Variants in ZNF25 observed in about 807,000 individuals in gnomAD.
The protein encoded by ZNF25 is zinc finger protein 25 (KOX 19).
In ZNF25, 21 loss-of-function variants were observed where a neutral mutation model predicts 30.9. That is an observed-to-expected ratio of 0.68 (90% CI 0.48 to 0.98). ZNF25 has a LOEUF of 0.98. ZNF25 is among the 50% of genes least tolerant of loss of function. The probability of loss-of-function intolerance (pLI) is 0.00; values close to 1 mark genes in which losing one functional copy is unlikely to be tolerated. For synonymous variants in ZNF25, 169 were observed against 181.3 expected (o/e 0.93, Z 0.55); for missense variants, 501 against 529.9 (o/e 0.95, Z 0.54).
rs1238210873 is a variant in ZNF25, at chr10:37,951,541, T to C, written c.*586A>G. 1.3e-5 allele frequency: 2 copies of C among 152,250 alleles called. No homozygotes were observed. Among genetic ancestry groups the C allele is most frequent in the East Asian group, 3.8e-4 (2 of 5,204 alleles). The allele number at this position is 152,250 out of a possible 1,614,324, so 9.4% of individuals were successfully genotyped here. On this transcript the variant is annotated 3_prime_UTR_variant, in exon 6 of 6. Transcript: ENST00000302609. ...TTTGTAGTATAACTGTTTCCCTCAGTACAAATTATTTGAATTTTTATTGAA... is the reference window on the plus strand; with the variant it reads ...TTTGTAGTATAACTGTTTCCCTCAGCACAAATTATTTGAATTTTTATTGAA...
chr10:37,959,501 G>A (rs1430963125), intron 2 of ZNF25, among the ~76,000 whole-genome samples: 1 of 152,038 alleles, frequency 6.6e-6, no homozygotes, highest in East Asian at 1.9e-4. Flanking sequence ...ACTGTTTAAG[G>A]CTATGAAATT....
intron 4 of ZNF25, among the ~76,000 whole-genome samples, chr10:37,954,568 T>C (rs1344648154): frequency 3.9e-5 from 6 of 152,200 alleles, no homozygotes; most frequent in Admixed American, 3.3e-4. Context: ...CCTGCACTTC[T>C]AACGCACTTG....
intron 2 of ZNF25, among the ~76,000 whole-genome samples, chr10:37,963,203 A>T (rs1387385585): frequency 1.3e-5 from 2 of 151,492 alleles, no homozygotes; most frequent in Admixed American, 1.3e-4. Flanking sequence ...TGCAACTACA[A>T]CCTCTGCCTC....
chr10:37,956,935 G>T, intron 4 of ZNF25, 85 bp downstream of exon 4: 105 of 529,854 alleles, frequency 2.0e-4, no homozygotes, highest in Middle Eastern at 4.0e-4. Context: ...AAAAAAAAAA[G>T]TGAGAGATTG....
At chr10:37,976,239 G>C (rs546480002) in intron 1 of ZNF25, among the ~76,000 whole-genome samples, 14 of 152,310 alleles carry the variant, frequency 9.2e-5, no homozygotes, top group South Asian at 4.1e-4. Flanking sequence ...CGGCCAGCGC[G>C]CCTCACATGG....
intron 2 of ZNF25, among the ~76,000 whole-genome samples, chr10:37,965,309 TG>T (rs1385756004): frequency 3.3e-5 from 5 of 152,028 alleles, no homozygotes; most frequent in Non-Finnish European, 7.4e-5. Flanking sequence ...AATGGAGCTG[TG>T]GGAAGGGGAC....
At chr10:37,960,862 T>A (rs1287367200) in intron 2 of ZNF25, among the ~76,000 whole-genome samples, 1 of 151,084 alleles carries the variant, frequency 6.6e-6, no homozygotes, top group Non-Finnish European at 1.5e-5. Context: ...AGCAAAGGAG[T>A]GAAAACTGTA....
At chr10:37,964,683 A>AC (rs2063085690) in intron 2 of ZNF25, among the ~76,000 whole-genome samples, 1 of 152,238 alleles carries the variant, frequency 6.6e-6, no homozygotes, top group South Asian at 2.1e-4. Flanking sequence ...GAAATGACTT[A>AC]AAGTTGGAAC....
At chr10:37,969,184 T>C (rs2063350191) in intron 2 of ZNF25, among the ~76,000 whole-genome samples, 1 of 152,158 alleles carries the variant, frequency 6.6e-6, no homozygotes, top group African/African-American at 2.4e-5. Flanking sequence ...AATGGGAATG[T>C]AAAACGGTGC....
intron 4 of ZNF25, among the ~76,000 whole-genome samples, chr10:37,954,313 G>A (rs1400034755): frequency 6.6e-6 from 1 of 152,074 alleles, no homozygotes; most frequent in African/African-American, 2.4e-5. Flanking sequence ...AGCAATCTAG[G>A]TGTCAATTAC....
chr10:37,972,393 G>A (rs1423048143), intron 1 of ZNF25, among the ~76,000 whole-genome samples: 1 of 152,138 alleles, frequency 6.6e-6, no homozygotes, highest in African/African-American at 2.4e-5. Flanking sequence ...TAGTTTCAAT[G>A]CTTTTGTCTT....
intron 4 of ZNF25, among the ~76,000 whole-genome samples, chr10:37,954,059 G>A (rs1274082271): frequency 6.6e-6 from 1 of 152,180 alleles, no homozygotes; most frequent in African/African-American, 2.4e-5. Context: ...TAGGACATTC[G>A]AAGTGTTGCT....
intron 2 of ZNF25, among the ~76,000 whole-genome samples, chr10:37,964,473 G>A (rs2063073844): frequency 6.6e-6 from 1 of 152,150 alleles, no homozygotes; most frequent in African/African-American, 2.4e-5. Flanking sequence ...AAGAAAATGA[G>A]GAATGTATTG....
Position 37,952,851 on chromosome 10 carries a change from TGTG to T in ZNF25, c.644_646del (p.Pro215del). The stretch of plus-strand genomic sequence containing the variant: ...GTGTGTTTTCTGATGTTCTGTGAGA[TGTG>T]GTTTCTGGTAGAAGGATTTTTCACA... On this transcript the variant is annotated inframe_deletion, in exon 6 of 6. Coordinates refer to ENST00000302609, the MANE Select transcript of ZNF25 (RefSeq NM_145011.4). The T allele has an allele frequency of 6.2e-7, 1 of 1,614,120 alleles. No homozygotes were observed. Among genetic ancestry groups the T allele is most frequent in the Non-Finnish European group, 8.5e-7 (1 of 1,180,004 alleles).
rs1026271525 is a variant in ZNF25 at position 37,952,507 on chromosome 10, C to T, written c.991G>A (p.Val331Ile). Residue 331 changes from valine to isoleucine, a missense_variant, in exon 6 of 6, where the codon GTA becomes ATA. By Grantham distance (29) the Val-to-Ile change is conservative (BLOSUM62 3). Coordinates refer to ENST00000302609, the MANE Select transcript of ZNF25 (RefSeq NM_145011.4). ...TCCCCTGTGTGAGTTCGCTGATGTA[C>T]TGTGAGGGCTGACTTCTGGTAGAAG... ...KCFYQKSALT[V>I]HQRTHTGEKP... 6.2e-7 allele frequency: 1 copy of T among 1,613,788 alleles called. No homozygotes were observed. The highest frequency in any genetic ancestry group is 2.2e-5 in the East Asian group (1 of 44,858).
intron 3 of ZNF25, 27 bp from the exon 4 acceptor site, chr10:37,957,142 G>A (rs2062585708): frequency 6.3e-7 from 1 of 1,589,676 alleles, no homozygotes; most frequent in African/African-American, 1.3e-5. Context: ...TCAAGGAAAT[G>A]ATACAAATTG....
rs373365485 is a variant in ZNF25, at chr10:37,952,403, T to C, written c.1095A>G (p.Thr365=). 9.9e-6 allele frequency: 16 copies of C among 1,613,788 alleles called. No homozygotes were observed. In the African/African-American group the frequency reaches 2.1e-4, roughly 22 times the overall value. Residue 365 remains threonine (T), a synonymous_variant, in exon 6 of 6, where the codon ACA becomes ACG. Coordinates refer to ENST00000302609, the MANE Select transcript of ZNF25 (RefSeq NM_145011.4). The part of the protein sequence containing the change: ...SDLTKHQRKH[T]GEKPYECTEC... ...CTGTGCATTCATAGGGCTTCTCCCC[T>C]GTGTGTTTTCTCTGATGTTTAGTGA... is the stretch of plus-strand genomic sequence containing the variant.
At chr10:37,958,126 A>T (rs2749596) in intron 2 of ZNF25, among the ~76,000 whole-genome samples, 152,172 of 152,336 alleles carry the variant, frequency 1, 76,004 homozygotes, top group Middle Eastern at 1. Context: ...TCTATTCCTG[A>T]TATCGAGGAG....
At chr10:37,960,784 A>G (rs1470867603) in intron 2 of ZNF25, among the ~76,000 whole-genome samples, 1 of 152,146 alleles carries the variant, frequency 6.6e-6, no homozygotes, top group Non-Finnish European at 1.5e-5. Context: ...AGACTTACAA[A>G]TAAGGGACAG....
Sources: gnomAD v4.1 joint callset for allele counts (sites outside exome capture counted in the v4.1 genomes callset) on GRCh38, gnomAD v4.1.1 for gene constraint, MANE v1.5 for transcripts, NCBI Gene and HGNC (gene_info 2026-07-23, HGNC 2026-07-21) for gene names.